The following KCNC2 variants were observed in gnomAD, a reference collection of about 807,000 sequenced individuals.
The protein encoded by KCNC2 is potassium voltage-gated channel subfamily C member 2, also known as voltage-gated potassium channel KCNC2.
In KCNC2, 21 loss-of-function variants were observed where a neutral mutation model predicts 44.5. The observed-to-expected ratio is 0.47, with a 90% CI of 0.33 to 0.68. KCNC2 has a LOEUF of 0.68. Among genes scored for constraint, KCNC2 ranks in the 30% least tolerant of loss-of-function variants. The pLI, the probability that KCNC2 is intolerant of heterozygous loss-of-function variation, is 0.01. For synonymous variants in KCNC2, 391 were observed against 339.1 expected, an observed-to-expected ratio of 1.15 and a Z score of -1.68; for missense variants, 589 against 826.2, an observed-to-expected ratio of 0.71 and a Z score of 3.52.
At chr12:75,049,180 C>T (rs1880893445) in intron 3 of KCNC2, among the ~76,000 whole-genome samples, 1 of 152,056 alleles carries the variant, frequency 6.6e-6, no homozygotes, top group Non-Finnish European at 1.5e-5. Context: ...GTGAATGAAA[C>T]TTACAAACAC....
At chr12:75,186,379 C>G (rs1453827531) in intron 2 of KCNC2, among the ~76,000 whole-genome samples, 2 of 151,938 alleles carry the variant, frequency 1.3e-5, no homozygotes, top group Non-Finnish European at 2.9e-5. Flanking sequence ...GAACAAATTT[C>G]TATTTATTTC....
At chr12:75,130,594 T>C (rs907264347) in intron 2 of KCNC2, among the ~76,000 whole-genome samples, 3 of 152,132 alleles carry the variant, frequency 2.0e-5, no homozygotes, top group African/African-American at 7.2e-5. Flanking sequence ...ACATAGAAAG[T>C]GATGAACACA....
intron 2 of KCNC2, among the ~76,000 whole-genome samples, chr12:75,155,685 A>G (rs1453600096): frequency 6.6e-6 from 1 of 151,742 alleles, no homozygotes; most frequent in East Asian, 2.0e-4. Context: ...CCCTAACTAG[A>G]GAGGGTGCTT....
chr12:75,074,860 G>C (rs1883769066), intron 2 of KCNC2, among the ~76,000 whole-genome samples: 1 of 152,174 alleles, frequency 6.6e-6, no homozygotes, highest in South Asian at 2.1e-4. Flanking sequence ...TGTTGTGTTA[G>C]AGAAACACAA....
chr12:75,163,552 A>C (rs1891257430), intron 2 of KCNC2, among the ~76,000 whole-genome samples: 1 of 151,762 alleles, frequency 6.6e-6, no homozygotes, highest in African/African-American at 2.4e-5. Context: ...TTAAGCACAC[A>C]CATATTCCTG....
At chr12:75,080,948 G>A (rs555796808) in intron 2 of KCNC2, among the ~76,000 whole-genome samples, 129 of 152,176 alleles carry the variant, frequency 8.5e-4, no homozygotes, top group African/African-American at 3.1e-3. Flanking sequence ...TTTATTGACA[G>A]AGATTGATGG....
At position 75,076,821 on chromosome 12, in the gene KCNC2, T is replaced by C. The variant is rs79658574; in HGVS notation, c.688-25504A>G. 3.0e-3 allele frequency among the ~76,000 whole-genome samples: 450 copies of C among 152,360 alleles called. 2 individuals are homozygous for C. Among genetic ancestry groups the C allele is most frequent in the African/African-American group, 1.0e-2 (415 of 41,582 alleles). On this transcript the variant is annotated intron_variant, in intron 2 of 4. Transcript: ENST00000549446. ...AGTTAAATATATCTATCTCTATCTA[T>C]ACAAATATTTTATAAGAATTATTAA...
chr12:75,122,991 A>G (rs1434065481), intron 2 of KCNC2, among the ~76,000 whole-genome samples: 2 of 152,160 alleles, frequency 1.3e-5, no homozygotes, highest in East Asian at 1.9e-4. Context: ...TAAGTGAAAT[A>G]AAATCTGTAT....
At chr12:75,045,557 C>T (rs749096401) in intron 4 of KCNC2, among the ~76,000 whole-genome samples, 9 of 151,768 alleles carry the variant, frequency 5.9e-5, no homozygotes, top group African/African-American at 1.5e-4. Context: ...AGGTTTTACT[C>T]GAATGGCTAA....
intron 4 of KCNC2, 84 bp from the exon 5 acceptor site, chr12:75,043,325 T>G (rs1880129620): frequency 3.9e-6 from 6 of 1,521,194 alleles, no homozygotes; most frequent in Non-Finnish European, 5.3e-6. Context: ...CAATCAAAAG[T>G]GCTACTTTCA....
intron 2 of KCNC2, among the ~76,000 whole-genome samples, chr12:75,162,829 C>T (rs555139996): frequency 1.3e-5 from 2 of 151,834 alleles, no homozygotes; most frequent in South Asian, 2.1e-4. Context: ...TTTTCAGCTC[C>T]TTTGAGCAGC....
chr12:75,102,270 A>C (rs966909417), intron 2 of KCNC2, among the ~76,000 whole-genome samples: 6 of 152,142 alleles, frequency 3.9e-5, no homozygotes, highest in African/African-American at 1.4e-4. Flanking sequence ...GCCATTTTGC[A>C]CACTACGTAA....
intron 2 of KCNC2, among the ~76,000 whole-genome samples, chr12:75,150,784 C>T (rs774548312): frequency 2.6e-5 from 4 of 151,776 alleles, no homozygotes; most frequent in Admixed American, 6.6e-5. Flanking sequence ...AAATAATGCT[C>T]TTCTGAATAT....
chr12:75,137,117 A>G (rs890847558), intron 2 of KCNC2, among the ~76,000 whole-genome samples: 1 of 152,164 alleles, frequency 6.6e-6, no homozygotes, highest in Non-Finnish European at 1.5e-5. Flanking sequence ...AGACACTTTT[A>G]GGGCTTCTCT....
At chr12:75,059,881 T>C (rs1882135257) in intron 2 of KCNC2, among the ~76,000 whole-genome samples, 1 of 152,162 alleles carries the variant, frequency 6.6e-6, no homozygotes, top group African/African-American at 2.4e-5. Flanking sequence ...GCTTAAATAT[T>C]GGAATGTCTT....
chr12:75,060,624 C>T (rs1338465829), intron 2 of KCNC2, among the ~76,000 whole-genome samples: 1 of 151,754 alleles, frequency 6.6e-6, no homozygotes, highest in African/African-American at 2.4e-5. Flanking sequence ...TGCCACCACA[C>T]CTGGCTAATT....
chr12:75,049,272 A>C (rs985487299), intron 3 of KCNC2, among the ~76,000 whole-genome samples: 69 of 152,148 alleles, frequency 4.5e-4, no homozygotes, highest in African/African-American at 1.5e-3. Context: ...ACCTATGAAA[A>C]TGATGCCTCC....
intron 2 of KCNC2, among the ~76,000 whole-genome samples, chr12:75,117,717 A>G (rs765083710): frequency 5.9e-5 from 9 of 152,094 alleles, no homozygotes; most frequent in Non-Finnish European, 1.3e-4. Flanking sequence ...ATTTATTCTA[A>G]TAATATATAA....
At chr12:75,156,168 A>G (rs1009421031) in intron 2 of KCNC2, among the ~76,000 whole-genome samples, 3 of 151,860 alleles carry the variant, frequency 2.0e-5, no homozygotes, top group African/African-American at 7.2e-5. Context: ...TTAGCTAGAT[A>G]TAGCACCAAG....
Sources: allele counts gnomAD v4.1 joint callset (sites outside exome capture counted in the v4.1 genomes callset), GRCh38; gene constraint gnomAD v4.1.1; transcripts MANE v1.5; gene names NCBI Gene and HGNC (gene_info 2026-07-23, HGNC 2026-07-21).